CEBPZ: variants seen among roughly 807,000 people sequenced by gnomAD.
CEBPZ encodes CCAAT enhancer binding protein zeta.
In CEBPZ, 78 loss-of-function variants were observed where a neutral mutation model predicts 104.5. The observed-to-expected ratio is 0.75, with a 90% confidence interval of 0.62 to 0.90. The LOEUF is 0.90. Among genes scored for constraint, CEBPZ ranks in the 40% least tolerant of loss-of-function variants. The probability of loss-of-function intolerance (pLI) is 0.00; values close to 1 mark genes in which losing one functional copy is unlikely to be tolerated. For missense variants in CEBPZ, 1,439 were observed against 1,233.5 expected, an observed-to-expected ratio of 1.17 and a Z score of -2.50; for synonymous variants, 470 against 427.0, an observed-to-expected ratio of 1.10 and a Z score of -1.24.
intron 3 of CEBPZ, among the ~76,000 whole-genome samples, 159 bp from the exon 4 acceptor site, chr2:37,222,722 A>C (rs1284707184): frequency 6.6e-6 from 1 of 152,252 alleles, no homozygotes; most frequent in Non-Finnish European, 1.5e-5. Flanking sequence ...TATTTAAACA[A>C]GAGAGGAGAT....
In CEBPZ at chr2:37,231,537, G is replaced by A; in HGVS notation, c.31C>T (p.His11Tyr). 1.9e-6 allele frequency: 3 copies of A among 1,614,234 alleles called. No homozygotes were observed. Among genetic ancestry groups the A allele is most frequent in the East Asian group, 2.2e-5 (1 of 44,888 alleles). Residue 11 changes from histidine to tyrosine, a missense_variant, in exon 1 of 16, where the codon CAT (histidine) becomes TAT (tyrosine). Physicochemically the swap from His to Tyr is moderately conservative, Grantham distance 83 (BLOSUM62 2). Coordinates refer to ENST00000234170, the MANE Select transcript of CEBPZ (RefSeq NM_005760.3). MAAVKEPLEF[H>Y]AKRPWRPEEA... The stretch of plus-strand genomic sequence containing the variant: ...TCGGGGCGCCAAGGCCGCTTGGCAT[G>A]GAACTCCAAAGGCTCCTTGACTGCG...
chr2:37,228,875 T>A lies in CEBPZ; in HGVS notation c.318A>T (p.Glu106Asp), dbSNP rs373079322. Reference protein sequence around the residue: ...YTKASLVEEDEPAEKENSSKK... With the variant: ...YTKASLVEEDDPAEKENSSKK... The stretch of plus-strand genomic sequence containing the variant: ...TGCTGGAATTTTCTTTTTCAGCTGG[T>A]TCATCTTCTTCAACTAAGGAAGCTT... The change falls in exon 2 of 16, where the codon GAA becomes GAT. Residue 106 changes from glutamate (E) to aspartate (D), a missense_variant. Glu to Asp is a conservative substitution (Grantham distance 45). Transcript: ENST00000234170. 1 of 1,604,886 alleles carries A rather than the reference T, an allele frequency of 6.2e-7. No homozygotes were observed. Among genetic ancestry groups the A allele is most frequent in the South Asian group, 1.1e-5 (1 of 87,664 alleles).
Position 37,223,239 on chromosome 2 carries a change from T to C in CEBPZ, c.1812A>G (p.Gly604=). 6.2e-7 allele frequency: 1 copy of C among 1,614,178 alleles called. No homozygotes were observed. The highest frequency in any genetic ancestry group is 1.1e-5 in the South Asian group (1 of 91,082). ...GGATCTCAGACACAAGATATAAAGC[T>C]CCACATATAAATGGTGGCATCTGTT... ...TCQQMPPFIC[G]ALYLVSEILK... is the part of the protein sequence containing the mutation. The change falls in exon 3 of 16, where the codon GGA becomes GGG. Residue 604 remains glycine (G), a synonymous_variant. Transcript: ENST00000234170.
rs768621927 is a variant in CEBPZ at position 37,228,098 on chromosome 2, G to C, written c.1095C>G (p.Ala365=). The change falls in exon 2 of 16, where the codon GCC becomes GCG. Residue 365 remains alanine (A), a synonymous_variant. Coordinates refer to ENST00000234170, the MANE Select transcript of CEBPZ (RefSeq NM_005760.3). ...AAAGCAGCTCATGAGCCACGGTAAGGGCTCGAGTTTTAGTGGTTACTAATG... is the reference window on the plus strand; with the variant it reads ...AAAGCAGCTCATGAGCCACGGTAAGCGCTCGAGTTTTAGTGGTTACTAATG... ...HDTLVTTKTR[A]LTVAHELLCN... The C allele has an allele frequency of 3.7e-6, 6 of 1,614,034 alleles. No individual in the cohort carries two copies. The highest frequency in any genetic ancestry group is 1.7e-5 in the Admixed American group (1 of 59,990).
chr2:37,223,179 A>G lies in CEBPZ; in HGVS notation c.1872T>C (p.Asp624=). 1 of 1,612,220 alleles carries G rather than the reference A, an allele frequency of 6.2e-7. No individual in the cohort carries two copies. Among genetic ancestry groups the G allele is most frequent in the Non-Finnish European group, 8.5e-7 (1 of 1,178,562 alleles). ...KAKPGLRSQL[D]DHPESDDEEN... Reference sequence around the variant, plus strand: ...CAGTTGTAAAATATACCGGATGATCATCTAGTTGGCTTCTTAAACCTGGTT... The same window carrying G: ...CAGTTGTAAAATATACCGGATGATCGTCTAGTTGGCTTCTTAAACCTGGTT... The change falls in exon 3 of 16, where the codon GAT becomes GAC. Residue 624 remains aspartate, a synonymous_variant. Transcript: ENST00000234170.
chr2:37,207,698 GTC>G (rs1197071498), intron 13 of CEBPZ, among the ~76,000 whole-genome samples: 1 of 152,106 alleles, frequency 6.6e-6, no homozygotes, highest in African/African-American at 2.4e-5. Flanking sequence ...ACATCAAAAA[GTC>G]TGAAAGAGCA....
intron 2 of CEBPZ, among the ~76,000 whole-genome samples, chr2:37,224,602 C>T (rs192101435): frequency 7.2e-5 from 11 of 152,054 alleles, no homozygotes; most frequent in Admixed American, 1.3e-4. Flanking sequence ...ACATTTCCAT[C>T]CATTTTGCAA....
Position 37,227,625 on chromosome 2 carries a change from C to T in CEBPZ, c.1568G>A (p.Ser523Asn), listed in dbSNP as rs1332879607. 2 of 1,613,990 alleles carry T rather than the reference C, an allele frequency of 1.2e-6. No individual in the cohort carries two copies. Among genetic ancestry groups the T allele is most frequent in the Non-Finnish European group, 1.7e-6 (2 of 1,180,020 alleles). Residue 523 changes from serine to asparagine, a missense_variant, in exon 2 of 16, where the codon AGT becomes AAT. Physicochemically the swap from Ser to Asn is conservative, Grantham distance 46 (BLOSUM62 1). Coordinates refer to ENST00000234170, the MANE Select transcript of CEBPZ (RefSeq NM_005760.3). ...KVLHIVNFNT[S>N]VQALMLLFQV... The stretch of plus-strand genomic sequence containing the variant: ...GAAAAGCAACATTAAAGCCTGGACA[C>T]TGGTATTAAAATTCACAATATGCAA...
rs1460845385 is a variant in CEBPZ at position 37,213,953 on chromosome 2, T to C, written c.2456A>G (p.Lys819Arg). ...TTGTTTCTCTTTAACAGCAACTTTT[T>C]TATAATACCTATAATATTCATGTTA... The part of the protein sequence containing the change: ...VDEVFFHRYY[K>R]KVAVKEKQKR... Residue 819 changes from lysine to arginine, a missense_variant, in exon 10 of 16, where the codon AAA becomes AGA. By Grantham distance (26) the Lys-to-Arg change is conservative. Coordinates refer to ENST00000234170, the MANE Select transcript of CEBPZ (RefSeq NM_005760.3). The C allele has an allele frequency of 6.6e-7, 1 of 1,526,346 alleles. No homozygotes were observed. Among genetic ancestry groups the C allele is most frequent in the Non-Finnish European group, 8.9e-7 (1 of 1,124,806 alleles). The allele number at this position is 1,526,346 out of a possible 1,614,324, so 94.6% of individuals were successfully genotyped here.
intron 4 of CEBPZ, among the ~76,000 whole-genome samples, 164 bp downstream of exon 4, chr2:37,222,216 G>A (rs1376792414): frequency 6.6e-6 from 1 of 152,138 alleles, no homozygotes; most frequent in African/African-American, 2.4e-5. Context: ...CCTGGGAGGC[G>A]GAGGTTGCAG....
rs753383068 is a variant in CEBPZ, at chr2:37,223,357, A to G, written c.1694T>C (p.Met565Thr). The G allele has an allele frequency of 1.7e-5, 28 of 1,614,200 alleles. 1 individual carries two copies. In the Admixed American group the frequency reaches 4.5e-4, roughly 26 times the overall value. The change falls in exon 3 of 16, where the codon ATG becomes ACG. Residue 565 changes from methionine (M) to threonine (T), a missense_variant. Coordinates refer to ENST00000234170, the MANE Select transcript of CEBPZ (RefSeq NM_005760.3). ...PGLMTCSKQA[M>T]FLNLVYKSLK... ...AGATTTGTAGACAAGGTTAAGAAAC[A>G]TAGCTTGCTTGGAACACGTCATCAA...
rs1677730187 is a variant in CEBPZ, at chr2:37,211,861, C to G, written c.2782G>C (p.Glu928Gln). 1 of 1,602,146 alleles carries G rather than the reference C, an allele frequency of 6.2e-7. No individual in the cohort carries two copies. The highest frequency in any genetic ancestry group is 1.1e-5 in the South Asian group (1 of 88,644). Residue 928 changes from glutamate to glutamine, a missense_variant, in exon 12 of 16, where the codon GAA (glutamate) becomes CAA (glutamine). Glu to Gln is a conservative substitution (Grantham distance 29, BLOSUM62 2). Transcript: ENST00000234170. ...TGCTTACCTGGAACGCTCTCACTTT[C>G]ATCATCTAACACATCCATGAATGTT... ...GGTFMDVLDD[E>Q]SESVPELEVH...
chr2:37,212,518 T>A, intron 10 of CEBPZ, 126 bp from the exon 11 acceptor site: 1 of 773,498 alleles, frequency 1.3e-6, no homozygotes, highest in Non-Finnish European at 2.2e-6. Context: ...CAAAACAATG[T>A]AAATGTTACT....
Position 37,202,989 on chromosome 2 carries a change from T to A in CEBPZ, c.2904A>T (p.Arg968Ser). 6.4e-7 allele frequency: 1 copy of A among 1,553,526 alleles called. No individual in the cohort carries two copies. The highest frequency in any genetic ancestry group is 8.7e-7 in the Non-Finnish European group (1 of 1,153,658). ...GSFQGPRKKKRNLNDSSLFVS... is the reference protein window; with the variant it reads ...GSFQGPRKKKSNLNDSSLFVS... ...CAAATAGGCTGGAATCATTTAAGTT[T>A]CTTTTCTTTTTTCTTGGCCCTAAAA... The change falls in exon 14 of 16, where the codon AGA (arginine) becomes AGT (serine). Residue 968 changes from arginine (R) to serine (S), a missense_variant. Arg to Ser is a moderately radical substitution (Grantham distance 110). Transcript: ENST00000234170.
chr2:37,219,690 C>T (rs1046130283), intron 5 of CEBPZ, among the ~76,000 whole-genome samples: 8 of 152,082 alleles, frequency 5.3e-5, no homozygotes, highest in Non-Finnish European at 1.0e-4. Context: ...CACAAAAAGT[C>T]ACAGAAAGGT....
chr2:37,229,273 A>T (rs1366153958), intron 1 of CEBPZ, among the ~76,000 whole-genome samples: 2 of 152,168 alleles, frequency 1.3e-5, no homozygotes, highest in African/African-American at 4.8e-5. Flanking sequence ...AAAAAAATAT[A>T]AATTATAAAC....
intron 4 of CEBPZ, among the ~76,000 whole-genome samples, chr2:37,220,729 A>C (rs1274991371): frequency 1.3e-5 from 2 of 152,166 alleles, no homozygotes; most frequent in Non-Finnish European, 2.9e-5. Context: ...AGTGGCTCAC[A>C]CCTGTAATCA....
chr2:37,209,227 A>G lies in CEBPZ; in HGVS notation c.2884+1772T>C, dbSNP rs965935780. On this transcript the variant is annotated intron_variant, in intron 13 of 15. Coordinates refer to ENST00000234170, the MANE Select transcript of CEBPZ (RefSeq NM_005760.3). Reference sequence around the variant, plus strand: ...GAAAATGACCATACTGCCAAAAGCAATCTATAAATTTAATGTAATTCCCAT... The same window carrying G: ...GAAAATGACCATACTGCCAAAAGCAGTCTATAAATTTAATGTAATTCCCAT... 3.9e-5 allele frequency: 6 copies of G among 152,282 alleles called. No individual in the cohort carries two copies. The East Asian group carries it at 9.6e-4, about 24-fold the overall frequency. The allele number at this position is 152,282 out of a possible 1,614,324, so 9.4% of individuals were successfully genotyped here.
intron 1 of CEBPZ, 74 bp downstream of exon 1, chr2:37,231,338 G>C (rs1665088844): frequency 5.1e-6 from 8 of 1,578,572 alleles, no homozygotes; most frequent in African/African-American, 1.3e-5. Flanking sequence ...GCGCGGAAGC[G>C]GCGGGGCAGT....
Sources: gnomAD v4.1 joint callset for allele counts (sites outside exome capture counted in the v4.1 genomes callset) on GRCh38, gnomAD v4.1.1 for gene constraint, MANE v1.5 for transcripts, NCBI Gene and HGNC (gene_info 2026-07-23, HGNC 2026-07-21) for gene names.